The following ANP32A variants were observed in gnomAD, a reference collection of about 807,000 sequenced individuals.
The protein encoded by ANP32A is acidic nuclear phosphoprotein 32 family member A, also known as acidic leucine-rich nuclear phosphoprotein 32 family member A.
A neutral mutation model predicts 33.9 loss-of-function variants in ANP32A; 1 was observed. That is an observed-to-expected ratio of 0.03 (90% CI 0.01 to 0.14). ANP32A has a LOEUF of 0.14. Ranked by LOEUF, ANP32A falls within the 10% of genes least tolerant of loss-of-function variation. The pLI is 1.00. For missense variants in ANP32A, 155 were observed against 306.0 expected (o/e 0.51, Z 3.68); for synonymous variants, 115 against 120.5 (o/e 0.95, Z 0.30).
intron 1 of ANP32A, among the ~76,000 whole-genome samples, chr15:68,792,467 C>T (rs901796174): frequency 2.6e-5 from 4 of 152,166 alleles, no homozygotes; most frequent in African/African-American, 9.7e-5. Flanking sequence ...CCTGTACTTC[C>T]TGAAAAACTT....
chr15:68,793,615 C>T (rs1367715111), intron 1 of ANP32A, among the ~76,000 whole-genome samples: 9 of 152,132 alleles, frequency 5.9e-5, no homozygotes, highest in South Asian at 2.1e-4. Context: ...GGACTGGGGC[C>T]GGGCCAGGGT....
chr15:68,786,814 T>C (rs1424615918), intron 3 of ANP32A, among the ~76,000 whole-genome samples: 1 of 152,114 alleles, frequency 6.6e-6, no homozygotes, highest in Admixed American at 6.5e-5. Flanking sequence ...GAGCCAGAAA[T>C]GCTACCCAGG....
chr15:68,817,129 C>A (rs543804804), intron 1 of ANP32A, among the ~76,000 whole-genome samples: 1 of 152,346 alleles, frequency 6.6e-6, no homozygotes, highest in East Asian at 1.9e-4. Flanking sequence ...TTTTAAAATT[C>A]TCAGAGATGC....
In ANP32A at chr15:68,793,774, G is replaced by A. The variant is rs560673686; in HGVS notation, c.55-5855C>T. Among the ~76,000 whole-genome samples the A allele has an allele frequency of 2.0e-5, 3 of 152,342 alleles. No individual in the cohort carries two copies. In the East Asian group the frequency reaches 5.8e-4, roughly 29 times the overall value. On this transcript the variant is annotated intron_variant, in intron 1 of 6. Coordinates refer to ENST00000465139, the MANE Select transcript of ANP32A (RefSeq NM_006305.4). Reference sequence around the variant, plus strand: ...TAAAATGAAAAACACGGAGCCCCTTGCTTAAAAATTAAGAATTCCAAGACA... The same window carrying A: ...TAAAATGAAAAACACGGAGCCCCTTACTTAAAAATTAAGAATTCCAAGACA...
At chr15:68,810,389 A>G (rs1180184417) in intron 1 of ANP32A, among the ~76,000 whole-genome samples, 1 of 152,138 alleles carries the variant, frequency 6.6e-6, no homozygotes, top group Non-Finnish European at 1.5e-5. Flanking sequence ...ACTTGTGATG[A>G]TGATGGATGG....
rs1201665728 is a variant in ANP32A at position 68,778,737 on chromosome 15, T to G, written c.*1344A>C. 6.6e-6 allele frequency: 1 copy of G among 152,194 alleles called. No individual in the cohort carries two copies. The highest frequency in any genetic ancestry group is 1.5e-5 in the Non-Finnish European group (1 of 68,034). 9.4% of individuals were successfully genotyped at this position (152,194 alleles called of 1,614,324 possible). ...ATGAAGATACACCACTGAGTCTTGC[T>G]TTAAGACCAAAAATATCCAAACATA... On this transcript the variant is annotated 3_prime_UTR_variant, in exon 7 of 7. Coordinates refer to ENST00000465139, the MANE Select transcript of ANP32A (RefSeq NM_006305.4).
chr15:68,782,845 G>T (rs1451551281), intron 5 of ANP32A, 111 bp downstream of exon 5: 6 of 1,490,096 alleles, frequency 4.0e-6, no homozygotes, highest in Non-Finnish European at 5.4e-6. Context: ...ACCCATCGGG[G>T]AGCGACTTTC....
chr15:68,797,512 C>T (rs1313619657), intron 1 of ANP32A, among the ~76,000 whole-genome samples: 1 of 152,184 alleles, frequency 6.6e-6, no homozygotes, highest in East Asian at 1.9e-4. Flanking sequence ...TGTCTCATTA[C>T]TCCCCTGTCC....
chr15:68,792,075 C>T (rs1407408874), intron 1 of ANP32A: 1 of 152,136 alleles, frequency 6.6e-6, no homozygotes, highest in Non-Finnish European at 1.5e-5. Flanking sequence ...GGTTCTAACC[C>T]TTCCATGCAA....
chr15:68,787,590 G>A (rs530026505), intron 2 of ANP32A, 55 bp from the exon 3 acceptor site: 46 of 1,611,952 alleles, frequency 2.9e-5, no homozygotes, highest in African/African-American at 1.7e-4. Context: ...GAAGGCTACC[G>A]GCTCAGAGCT....
At position 68,818,027 on chromosome 15, in the gene ANP32A, T is replaced by C. The variant is rs1047902038; in HGVS notation, c.54+2671A>G. 5.3e-5 allele frequency among the ~76,000 whole-genome samples: 8 copies of C among 152,152 alleles called. No homozygotes were observed. In the East Asian group the frequency reaches 1.4e-3, roughly 26 times the overall value. On this transcript the variant is annotated intron_variant, in intron 1 of 6. Transcript: ENST00000465139. Reference sequence around the variant, plus strand: ...CTTCGGGCTCAGCCCCGAGTGGGCCTAGCCGTTAAAAAAAATAAATAAATA... The same window carrying C: ...CTTCGGGCTCAGCCCCGAGTGGGCCCAGCCGTTAAAAAAAATAAATAAATA...
At chr15:68,801,000 A>AG (rs11396438) in intron 1 of ANP32A, among the ~76,000 whole-genome samples, 136,378 of 151,754 alleles carry the variant, frequency 0.9, 61,740 homozygotes, top group Middle Eastern at 0.97. Flanking sequence ...GTGGAAGGGA[A>AG]GAAAGGAGGT....
intron 1 of ANP32A, among the ~76,000 whole-genome samples, chr15:68,793,249 T>C (rs146133838): frequency 2.0e-4 from 31 of 152,304 alleles, no homozygotes; most frequent in East Asian, 3.9e-4. Flanking sequence ...GCTGGGAATA[T>C]AGAGGTGAGT....
At chr15:68,799,144 G>A (rs1402482700) in intron 1 of ANP32A, among the ~76,000 whole-genome samples, 2 of 152,196 alleles carry the variant, frequency 1.3e-5, no homozygotes, top group African/African-American at 4.8e-5. Context: ...ATTAGTGAAG[G>A]AAGTGCAAGA....
intron 1 of ANP32A, among the ~76,000 whole-genome samples, chr15:68,816,833 CTACTA>C (rs1894389128): frequency 6.6e-6 from 1 of 152,178 alleles, no homozygotes; most frequent in Admixed American, 6.5e-5. Flanking sequence ...AGACTCGAAA[CTACTA>C]TCAGCAGCAG....
At chr15:68,808,477 T>G (rs1894268959) in intron 1 of ANP32A, among the ~76,000 whole-genome samples, 1 of 152,232 alleles carries the variant, frequency 6.6e-6, no homozygotes, top group African/African-American at 2.4e-5. Context: ...ATGCAAGGAC[T>G]GGATTCAAGA....
At chr15:68,783,576 A>G (rs1457700587) in intron 4 of ANP32A, among the ~76,000 whole-genome samples, 1 of 152,212 alleles carries the variant, frequency 6.6e-6, no homozygotes, top group Non-Finnish European at 1.5e-5. Context: ...AACACTCCCA[A>G]TTGAACAAAG....
At chr15:68,813,202 A>C (rs762732930) in intron 1 of ANP32A, among the ~76,000 whole-genome samples, 3 of 152,224 alleles carry the variant, frequency 2.0e-5, no homozygotes, top group Non-Finnish European at 4.4e-5. Context: ...AATCTGAGGG[A>C]AAGCACTGGG....
At position 68,784,292 on chromosome 15, in the gene ANP32A, G is replaced by A; in HGVS notation, c.526+105C>T. ...CAGACAGCCAGCCTTCAGTAGCTGG[G>A]TGGGGGCCTCCCAACACCCAGCCCA... On this transcript the variant is annotated intron_variant, in intron 4 of 6. Coordinates refer to ENST00000465139, the MANE Select transcript of ANP32A (RefSeq NM_006305.4). 2.3e-6 allele frequency: 3 copies of A among 1,322,766 alleles called. 1 individual carries two copies. In the South Asian group the frequency reaches 3.8e-5, roughly 17 times the overall value. The allele number at this position is 1,322,766 out of a possible 1,614,324, so 81.9% of individuals were successfully genotyped here.
Sources: allele counts gnomAD v4.1 joint callset (sites outside exome capture counted in the v4.1 genomes callset), GRCh38; gene constraint gnomAD v4.1.1; transcripts MANE v1.5; gene names NCBI Gene and HGNC (gene_info 2026-07-23, HGNC 2026-07-21).